The following ADAMTS12 variants were observed in gnomAD, a reference collection of about 807,000 sequenced individuals.
ADAMTS12 encodes ADAM metallopeptidase with thrombospondin type 1 motif 12, also known as A disintegrin and metalloproteinase with thrombospondin motifs 12.
Under a neutral mutation model 167.8 loss-of-function variants are expected in ADAMTS12, and 118 were observed. The observed-to-expected ratio is 0.70, with a 90% CI of 0.61 to 0.82. ADAMTS12 has a LOEUF of 0.82. Among genes scored for constraint, ADAMTS12 ranks in the 40% least tolerant of loss-of-function variants. ADAMTS12 has a pLI of 0.00. For synonymous variants in ADAMTS12, 704 were observed against 716.9 expected (o/e 0.98, Z 0.29); for missense variants, 1,916 against 1,998.8 (o/e 0.96, Z 0.79).
At chr5:33,855,460 G>T (rs1367522773) in intron 2 of ADAMTS12, among the ~76,000 whole-genome samples, 1 of 152,218 alleles carries the variant, frequency 6.6e-6, no homozygotes, top group African/African-American at 2.4e-5. Context: ...AAGCTCCATG[G>T]TGTCCTACAT....
At chr5:33,617,798 A>C (rs1739103529) in intron 14 of ADAMTS12, among the ~76,000 whole-genome samples, 1 of 152,210 alleles carries the variant, frequency 6.6e-6, no homozygotes, top group African/African-American at 2.4e-5. Flanking sequence ...AAATAGAAAA[A>C]AAAAACAATA....
At chr5:33,715,155 T>C (rs919879239) in intron 3 of ADAMTS12, among the ~76,000 whole-genome samples, 3 of 151,864 alleles carry the variant, frequency 2.0e-5, no homozygotes, top group African/African-American at 7.3e-5. Flanking sequence ...AAGCTCTCTC[T>C]TTTTTTTAAT....
At chr5:33,793,117 G>A in intron 2 of ADAMTS12, among the ~76,000 whole-genome samples, 1 of 152,170 alleles carries the variant, frequency 6.6e-6, no homozygotes, top group Middle Eastern at 3.2e-3. Flanking sequence ...TGGCCACCAC[G>A]GCTCTTCCTC....
In ADAMTS12 at chr5:33,783,520, T is replaced by TA. The variant is rs1458708206; in HGVS notation, c.490-31973dup. On this transcript the variant is annotated intron_variant, in intron 2 of 23. Transcript: ENST00000504830. ...AAAAAGAAAAATAAAATCCAATTAC[T>TA]AAAAACAGAAATAAAAGAGAAAACA... Among the ~76,000 whole-genome samples, 6 of 151,832 alleles carry TA rather than the reference T, an allele frequency of 4.0e-5. No individual in the cohort carries two copies. The East Asian group carries it at 1.2e-3, about 29-fold the overall frequency.
chr5:33,599,006 G>A (rs1738053860), intron 16 of ADAMTS12, among the ~76,000 whole-genome samples: 1 of 152,186 alleles, frequency 6.6e-6, no homozygotes, highest in African/African-American at 2.4e-5. Flanking sequence ...CCACATGTAG[G>A]TCAACAGTCA....
At chr5:33,761,639 T>C (rs1183293690) in intron 2 of ADAMTS12, among the ~76,000 whole-genome samples, 3 of 152,234 alleles carry the variant, frequency 2.0e-5, no homozygotes, top group Non-Finnish European at 4.4e-5. Context: ...CTACAGGGTC[T>C]TTCTTTACAG....
chr5:33,788,955 C>G (rs1287758077), intron 2 of ADAMTS12, among the ~76,000 whole-genome samples: 1 of 152,182 alleles, frequency 6.6e-6, no homozygotes, highest in Non-Finnish European at 1.5e-5. Context: ...AGAGGTTCTT[C>G]CCTTCCCAGG....
intron 2 of ADAMTS12, among the ~76,000 whole-genome samples, chr5:33,860,094 A>G (rs1391846320): frequency 6.6e-6 from 1 of 151,580 alleles, no homozygotes; most frequent in African/African-American, 2.4e-5. Context: ...AAAAACCAGA[A>G]TGCCTCTTCT....
At chr5:33,620,327 G>A (rs1469648403) in intron 14 of ADAMTS12, among the ~76,000 whole-genome samples, 3 of 152,210 alleles carry the variant, frequency 2.0e-5, no homozygotes, top group African/African-American at 7.2e-5. Context: ...ATCCCATGGT[G>A]TTATTCAAGG....
chr5:33,536,194 C>A (rs541114596), intron 22 of ADAMTS12, among the ~76,000 whole-genome samples: 1 of 152,204 alleles, frequency 6.6e-6, no homozygotes, highest in South Asian at 2.1e-4. Flanking sequence ...TGAAAGGCAG[C>A]GGCACAATCT....
chr5:33,656,489 A>T (rs765618955), intron 7 of ADAMTS12, among the ~76,000 whole-genome samples: 1 of 152,232 alleles, frequency 6.6e-6, no homozygotes. Flanking sequence ...TTTGAAGGAC[A>T]TGCTTAACAT....
intron 23 of ADAMTS12, among the ~76,000 whole-genome samples, chr5:33,529,801 C>T (rs1032329278): frequency 6.6e-6 from 1 of 152,148 alleles, no homozygotes; most frequent in African/African-American, 2.4e-5. Context: ...TCCTAGATTC[C>T]AAAATCTGAG....
At chr5:33,630,526 A>G (rs910470439) in intron 13 of ADAMTS12, among the ~76,000 whole-genome samples, 4 of 152,320 alleles carry the variant, frequency 2.6e-5, no homozygotes, top group African/African-American at 9.6e-5. Context: ...TTCATGCTCA[A>G]TGTCTAAAAC....
intron 3 of ADAMTS12, among the ~76,000 whole-genome samples, chr5:33,722,183 G>C (rs1169873779): frequency 2.0e-5 from 3 of 152,108 alleles, no homozygotes; most frequent in African/African-American, 7.2e-5. Flanking sequence ...TGGACCTAAA[G>C]AAATGCTATT....
intron 14 of ADAMTS12, among the ~76,000 whole-genome samples, chr5:33,619,001 C>T (rs72739427): frequency 0.023 from 3,453 of 152,208 alleles, 57 homozygotes; most frequent in Non-Finnish European, 0.033. Flanking sequence ...TCCTTATGAC[C>T]CTCTGGTCTA....
intron 2 of ADAMTS12, among the ~76,000 whole-genome samples, chr5:33,832,604 C>A (rs1453874854): frequency 6.6e-6 from 1 of 152,194 alleles, no homozygotes; most frequent in African/African-American, 2.4e-5. Context: ...ACAATTTCTA[C>A]CATCTGGCAA....
chr5:33,553,572 T>C (rs964283947), intron 20 of ADAMTS12, among the ~76,000 whole-genome samples: 12 of 152,112 alleles, frequency 7.9e-5, no homozygotes, highest in African/African-American at 2.9e-4. Context: ...AGGAACATGG[T>C]TGGAGCTGGA....
At chr5:33,717,280 C>T (rs113445166) in intron 3 of ADAMTS12, among the ~76,000 whole-genome samples, 1 of 152,206 alleles carries the variant, frequency 6.6e-6, no homozygotes, top group African/African-American at 2.4e-5. Context: ...CCTCTCTGCA[C>T]CCAAATTTCA....
intron 14 of ADAMTS12, 146 bp from the exon 15 acceptor site, chr5:33,616,218 T>C: frequency 9.2e-7 from 1 of 1,086,318 alleles, no homozygotes; most frequent in Non-Finnish European, 1.3e-6. Context: ...GCAGAAGCAC[T>C]ACTTATGGGG....
Sources: gnomAD v4.1 joint callset for allele counts (sites outside exome capture counted in the v4.1 genomes callset) on GRCh38, gnomAD v4.1.1 for gene constraint, MANE v1.5 for transcripts, NCBI Gene and HGNC (gene_info 2026-07-23, HGNC 2026-07-21) for gene names.